NEDD4L: variants seen among roughly 807,000 people sequenced by gnomAD.
NEDD4L encodes the protein NEDD4 like E3 ubiquitin protein ligase.
In NEDD4L, 54 loss-of-function variants were observed where a neutral mutation model predicts 148.9. The observed-to-expected ratio is 0.36, with a 90% CI of 0.29 to 0.45. NEDD4L has a LOEUF of 0.45. Among genes scored for constraint, NEDD4L ranks in the 20% least tolerant of loss-of-function variants. NEDD4L has a pLI of 1.00. For synonymous variants in NEDD4L, 433 were observed against 440.7 expected (o/e 0.98, Z 0.22); for missense variants, 856 against 1,233.8 (o/e 0.69, Z 4.59).
chr18:58,364,173 T>TA (rs2045845745), intron 19 of NEDD4L, 95 bp from the exon 20 acceptor site: 8 of 755,662 alleles, frequency 1.1e-5, no homozygotes, highest in Non-Finnish European at 1.6e-5. Context: ...ATTTACGGTT[T>TA]ATGACTCATG....
Position 58,195,336 on chromosome 18 carries a change from T to C in NEDD4L, c.122+29475T>C, listed in dbSNP as rs550384226. 55 of 1,002,596 alleles carry C rather than the reference T, an allele frequency of 5.5e-5. No individual in the cohort carries two copies. The South Asian group carries it at 8.5e-4, about 15-fold the overall frequency. 62.1% of individuals were successfully genotyped at this position (1,002,596 alleles called of 1,614,324 possible). On this transcript the variant is annotated intron_variant, in intron 2 of 30. Transcript: ENST00000400345. The stretch of plus-strand genomic sequence containing the variant: ...GGTTTGAATTGCTTTTTTGTGTCTC[T>C]TGAATACACGAAGTTCCTCCTATAG...
intron 2 of NEDD4L, among the ~76,000 whole-genome samples, chr18:58,234,953 A>G (rs1476576053): frequency 6.6e-6 from 1 of 151,934 alleles, no homozygotes; most frequent in Non-Finnish European, 1.5e-5. Context: ...CCCTCCGACA[A>G]TTTCGCCTGT....
chr18:58,279,964 T>G (rs555932296), intron 5 of NEDD4L, among the ~76,000 whole-genome samples: 2 of 152,314 alleles, frequency 1.3e-5, no homozygotes, highest in African/African-American at 4.8e-5. Context: ...CTAAGTGGTG[T>G]TGTCAGGGTT....
At chr18:58,394,870 T>G (rs1009481491) in intron 30 of NEDD4L, among the ~76,000 whole-genome samples, 1 of 152,228 alleles carries the variant, frequency 6.6e-6, no homozygotes, top group Admixed American at 6.5e-5. Flanking sequence ...GAAGTTACTT[T>G]GCTCATTCTT....
intron 19 of NEDD4L, chr18:58,357,544 C>A (rs2044851049): frequency 5.2e-6 from 3 of 573,858 alleles, no homozygotes; most frequent in Non-Finnish European, 9.8e-6. Context: ...GTCAAAATTC[C>A]CTCCCTTCCT....
chr18:58,301,796 A>G (rs2056498503), intron 5 of NEDD4L, among the ~76,000 whole-genome samples: 1 of 152,170 alleles, frequency 6.6e-6, no homozygotes, highest in African/African-American at 2.4e-5. Flanking sequence ...AATGCAGAAT[A>G]CCCATTAATG....
At chr18:58,359,605 C>A (rs1271036033) in intron 19 of NEDD4L, among the ~76,000 whole-genome samples, 1 of 152,316 alleles carries the variant, frequency 6.6e-6, no homozygotes, top group South Asian at 2.1e-4. Context: ...AGACAAATTT[C>A]TTTGCCCACC....
intron 24 of NEDD4L, among the ~76,000 whole-genome samples, chr18:58,375,767 A>C (rs1346189452): frequency 6.6e-6 from 1 of 152,146 alleles, no homozygotes; most frequent in African/African-American, 2.4e-5. Context: ...CTCATTGAGC[A>C]AACGAATGAG....
intron 1 of NEDD4L, among the ~76,000 whole-genome samples, chr18:58,138,939 T>G (rs540147002): frequency 8.5e-4 from 130 of 152,352 alleles, no homozygotes; most frequent in African/African-American, 3.0e-3. Flanking sequence ...ACTGTGTGGC[T>G]GGCAATCACC....
chr18:58,331,789 T>G (rs2059809345), intron 11 of NEDD4L, among the ~76,000 whole-genome samples: 1 of 152,184 alleles, frequency 6.6e-6, no homozygotes, highest in Admixed American at 6.5e-5. Flanking sequence ...CAAACATAAA[T>G]GATAGCACTG....
chr18:58,184,706 ATCACGTGG>A (rs2147059426), intron 2 of NEDD4L, among the ~76,000 whole-genome samples: 1 of 152,234 alleles, frequency 6.6e-6, no homozygotes, highest in Admixed American at 6.5e-5. Context: ...AGGTAGGCGG[ATCACGTGG>A]TCAGGAGATC....
At chr18:58,272,879 A>G (rs930636314) in intron 5 of NEDD4L, among the ~76,000 whole-genome samples, 1 of 152,212 alleles carries the variant, frequency 6.6e-6, no homozygotes, top group East Asian at 1.9e-4. Flanking sequence ...CATGAATGGT[A>G]GAGACACTCA....
At position 58,180,519 on chromosome 18, in the gene NEDD4L, C is replaced by G. The variant is rs145098092; in HGVS notation, c.122+14658C>G. On this transcript the variant is annotated intron_variant, in intron 2 of 30. Coordinates refer to ENST00000400345, the MANE Select transcript of NEDD4L (RefSeq NM_001144967.3). ...ACCCCCTTTCTGTGCTTGGCCGACT[C>G]CAGCGCCCGTTCTTCTGCCCCTCCT... 4.9e-3 allele frequency among the ~76,000 whole-genome samples: 749 copies of G among 152,334 alleles called. 8 individuals carry two copies. Among genetic ancestry groups the G allele is most frequent in the African/African-American group, 0.017 (716 of 41,574 alleles).
At chr18:58,050,827 C>G (rs1568142820) in intron 1 of NEDD4L, among the ~76,000 whole-genome samples, 1 of 152,170 alleles carries the variant, frequency 6.6e-6, no homozygotes, top group South Asian at 2.1e-4. Context: ...TGGTGATCCT[C>G]AGATGACTGT....
At chr18:58,214,503 G>A (rs1423311252) in intron 2 of NEDD4L, among the ~76,000 whole-genome samples, 1 of 152,106 alleles carries the variant, frequency 6.6e-6, no homozygotes, top group African/African-American at 2.4e-5. Flanking sequence ...GCGCCTATCT[G>A]TTACTGTTAG....
chr18:58,195,687 C>T (rs1043035892), intron 2 of NEDD4L: 6 of 1,352,082 alleles, frequency 4.4e-6, no homozygotes, highest in Non-Finnish European at 5.9e-6. Context: ...AGACCTGCCT[C>T]TCTCTCCGCT....
In NEDD4L at chr18:58,142,040, CTTTTTTTTTTTTT is replaced by C. The variant is rs552184742; in HGVS notation, c.49-23736_49-23724del. ...CCCCACTGCCTTCCAAAATTTCTTT[CTTTTTTTTTTTTT>C]TTTTTTTTTTTGAGACAGAGTCTCG... On this transcript the variant is annotated intron_variant, in intron 1 of 30. Transcript: ENST00000400345. 9.3e-4 allele frequency among the ~76,000 whole-genome samples: 39 copies of C among 41,868 alleles called. No individual in the cohort carries two copies. The South Asian group carries it at 0.033, about 36-fold the overall frequency. 27.5% of individuals were successfully genotyped at this position (41,868 alleles called of 152,430 possible).
chr18:58,180,198 G>T (rs550015788), intron 2 of NEDD4L, among the ~76,000 whole-genome samples: 1 of 152,144 alleles, frequency 6.6e-6, no homozygotes, highest in African/African-American at 2.4e-5. Flanking sequence ...GAGCCGCGGT[G>T]CGCTCTTCCT....
chr18:58,292,426 G>A (rs900544322), intron 5 of NEDD4L, among the ~76,000 whole-genome samples: 2 of 152,082 alleles, frequency 1.3e-5, no homozygotes, highest in Non-Finnish European at 2.9e-5. Context: ...ACTCTCCACA[G>A]GCTCCCCTGG....
Sources: gnomAD v4.1 joint callset for allele counts (sites outside exome capture counted in the v4.1 genomes callset) on GRCh38, gnomAD v4.1.1 for gene constraint, MANE v1.5 for transcripts, NCBI Gene and HGNC (gene_info 2026-07-23, HGNC 2026-07-21) for gene names.